The following MRTFA variants were observed in gnomAD, a reference collection of about 807,000 sequenced individuals.
MRTFA encodes myocardin related transcription factor A, also known as myocardin-related transcription factor A.
In MRTFA, 20 loss-of-function variants were observed where a neutral mutation model predicts 83.5. The observed-to-expected ratio is 0.24, with a 90% CI of 0.17 to 0.35. The LOEUF is 0.35. Ranked by LOEUF, MRTFA falls within the 10% of genes least tolerant of loss-of-function variation. The pLI is 1.00. For synonymous variants in MRTFA, 659 were observed against 541.2 expected (o/e 1.22, Z -3.02); for missense variants, 1,200 against 1,224.7 (o/e 0.98, Z 0.30).
rs547421833 is a variant in MRTFA at position 40,579,111 on chromosome 22, AAAG to A, written c.-22+15560_-22+15562del. 1.4e-4 allele frequency among the ~76,000 whole-genome samples: 22 copies of A among 152,276 alleles called. No individual in the cohort carries two copies. The East Asian group carries it at 3.1e-3, about 21-fold the overall frequency. On this transcript the variant is annotated intron_variant, in intron 2 of 14. Coordinates refer to ENST00000355630, the MANE Select transcript of MRTFA (RefSeq NM_020831.6). Reference sequence around the variant, plus strand: ...TAACAGAGTGAGACTCCAACTCTAAAAAGAAGAAGAATGGCAGAAAGGAAACTA... The same window carrying A: ...TAACAGAGTGAGACTCCAACTCTAAAAAGAAGAATGGCAGAAAGGAAACTA...
chr22:40,587,435 C>A (rs2056048154), intron 2 of MRTFA: 1 of 339,062 alleles, frequency 2.9e-6, no homozygotes. Context: ...TTTGCCCTTG[C>A]CAGCTCTCAT....
At chr22:40,567,112 A>G (rs567208938) in intron 2 of MRTFA, among the ~76,000 whole-genome samples, 6 of 152,356 alleles carry the variant, frequency 3.9e-5, no homozygotes, top group Non-Finnish European at 7.3e-5. Flanking sequence ...TCTGAAAAGT[A>G]GAGACATTAA....
At chr22:40,573,776 T>A (rs1027358789) in intron 2 of MRTFA, among the ~76,000 whole-genome samples, 1 of 152,000 alleles carries the variant, frequency 6.6e-6, no homozygotes, top group Admixed American at 6.6e-5. Flanking sequence ...GATTCAGATT[T>A]AATAAATATT....
At chr22:40,593,560 A>G (rs527935794) in intron 2 of MRTFA, among the ~76,000 whole-genome samples, 9 of 152,340 alleles carry the variant, frequency 5.9e-5, no homozygotes, top group Admixed American at 5.9e-4. Context: ...AATTCAGACC[A>G]CTAGATGATG....
In MRTFA at chr22:40,493,005, T is replaced by C. The variant is rs1420919089; in HGVS notation, c.242-29719A>G. Among the ~76,000 whole-genome samples the C allele has an allele frequency of 2.4e-4, 36 of 152,240 alleles. 1 individual carries two copies. Among genetic ancestry groups the C allele is most frequent in the Admixed American group, 2.4e-3 (36 of 15,282 alleles). ...CTGGCTAGAGTCAGAGATAATATATTGGCACAATAGTGACAACCCACCAAA... is the reference window on the plus strand; with the variant it reads ...CTGGCTAGAGTCAGAGATAATATATCGGCACAATAGTGACAACCCACCAAA... On this transcript the variant is annotated intron_variant, in intron 3 of 14. Coordinates refer to ENST00000355630, the MANE Select transcript of MRTFA (RefSeq NM_020831.6).
chr22:40,624,527 A>C (rs2056559447), intron 1 of MRTFA, among the ~76,000 whole-genome samples: 1 of 152,166 alleles, frequency 6.6e-6, no homozygotes, highest in South Asian at 2.1e-4. Flanking sequence ...AGGTGCATTC[A>C]ACCCCATCAC....
intron 3 of MRTFA, among the ~76,000 whole-genome samples, chr22:40,488,095 C>T (rs2054203539): frequency 6.6e-6 from 1 of 152,112 alleles, no homozygotes; most frequent in African/African-American, 2.4e-5. Context: ...TCAGAGATAG[C>T]GTTACAAGTG....
intron 2 of MRTFA, among the ~76,000 whole-genome samples, chr22:40,581,189 T>TA (rs2055941737): frequency 6.6e-6 from 1 of 152,190 alleles, no homozygotes. Flanking sequence ...TTGTCCATTC[T>TA]GACTGTACTA....
At chr22:40,587,320 A>G (rs1319503540) in intron 2 of MRTFA, 2 of 451,660 alleles carry the variant, frequency 4.4e-6, no homozygotes, top group Non-Finnish European at 4.4e-6. Context: ...GTTTGCTTAC[A>G]TTAAGCAGAA....
chr22:40,455,860 G>A (rs1003264267), intron 4 of MRTFA, among the ~76,000 whole-genome samples: 2 of 142,518 alleles, frequency 1.4e-5, no homozygotes, highest in Non-Finnish European at 3.2e-5. Context: ...ATGAGATGAA[G>A]TCTCACTCTG....
rs371079851 is a variant in MRTFA, at chr22:40,417,467, C to A, written c.2391G>T (p.Ala797=). Residue 797 remains alanine (A), a synonymous_variant, in exon 13 of 15, where the codon GCG becomes GCT. Coordinates refer to ENST00000355630, the MANE Select transcript of MRTFA (RefSeq NM_020831.6). ...GGTCCATCTGGGCAGAGGGGGCAGGCGCTGGAGAGCCAGGCTGGGACGAGG... is the reference window on the plus strand; with the variant it reads ...GGTCCATCTGGGCAGAGGGGGCAGGAGCTGGAGAGCCAGGCTGGGACGAGG... 6.3e-7 allele frequency: 1 copy of A among 1,592,712 alleles called. No individual in the cohort carries two copies. Among genetic ancestry groups the A allele is most frequent in the East Asian group, 2.3e-5 (1 of 44,372 alleles).
At chr22:40,459,858 T>TATATATATATATAC (rs2053677766) in intron 4 of MRTFA, among the ~76,000 whole-genome samples, 1 of 134,026 alleles carries the variant, frequency 7.5e-6, no homozygotes, top group Non-Finnish European at 1.6e-5. Context: ...TATATATATA[T>TATATATATATATAC]ATATACACAC....
chr22:40,424,061 C>A, intron 8 of MRTFA, 145 bp downstream of exon 8: 5 of 918,236 alleles, frequency 5.4e-6, no homozygotes, highest in Non-Finnish European at 7.9e-6. Flanking sequence ...GGAGCTCAAG[C>A]AGCCAGCACC....
At chr22:40,490,881 T>C (rs2054261681) in intron 3 of MRTFA, among the ~76,000 whole-genome samples, 1 of 152,190 alleles carries the variant, frequency 6.6e-6, no homozygotes, top group African/African-American at 2.4e-5. Context: ...TATTGACAAT[T>C]CTCTTTTATT....
intron 3 of MRTFA, among the ~76,000 whole-genome samples, chr22:40,475,284 T>A (rs1462712228): frequency 2.0e-5 from 3 of 151,972 alleles, no homozygotes; most frequent in African/African-American, 7.2e-5. Flanking sequence ...ACGTCTGTAA[T>A]CTCAGCATGC....
chr22:40,625,248 G>A (rs2056567939), intron 1 of MRTFA, among the ~76,000 whole-genome samples: 2 of 151,916 alleles, frequency 1.3e-5, no homozygotes. Context: ...AAGAGGCCAA[G>A]ATGGGAGGAT....
At chr22:40,607,487 G>C (rs1243594053) in intron 1 of MRTFA, among the ~76,000 whole-genome samples, 2 of 143,694 alleles carry the variant, frequency 1.4e-5, no homozygotes, top group Non-Finnish European at 3.0e-5. Flanking sequence ...CTGGGCGACA[G>C]AGCGAGACTC....
At chr22:40,581,547 T>C (rs1448940498) in intron 2 of MRTFA, among the ~76,000 whole-genome samples, 1 of 152,180 alleles carries the variant, frequency 6.6e-6, no homozygotes, top group Non-Finnish European at 1.5e-5. Flanking sequence ...TAAAATAGTA[T>C]CCCATTGTTT....
chr22:40,634,835 A>T (rs1271976034), intron 1 of MRTFA, among the ~76,000 whole-genome samples: 1 of 152,240 alleles, frequency 6.6e-6, no homozygotes, highest in African/African-American at 2.4e-5. Flanking sequence ...AGCATCTGGC[A>T]GAGTACTAAG....
Sources: allele counts gnomAD v4.1 joint callset (sites outside exome capture counted in the v4.1 genomes callset), GRCh38; gene constraint gnomAD v4.1.1; transcripts MANE v1.5; gene names NCBI Gene and HGNC (gene_info 2026-07-23, HGNC 2026-07-21).